The following MAML1 variants were observed in gnomAD, a reference collection of about 807,000 sequenced individuals.
MAML1 encodes the protein mastermind like transcriptional coactivator 1.
A neutral mutation model predicts 77.1 loss-of-function variants in MAML1; 14 were observed. The observed-to-expected ratio is 0.18, with a 90% confidence interval of 0.12 to 0.28. The LOEUF (loss-of-function observed/expected upper bound fraction) is 0.28. Ranked by LOEUF, MAML1 falls within the 10% of genes least tolerant of loss-of-function variation. The probability of loss-of-function intolerance (pLI) is 1.00; values close to 1 mark genes in which losing one functional copy is unlikely to be tolerated. For synonymous variants in MAML1, 516 were observed against 551.9 expected, an observed-to-expected ratio of 0.93 and a Z score of 0.91; for missense variants, 1,217 against 1,327.8, an observed-to-expected ratio of 0.92 and a Z score of 1.30.
At chr5:179,741,683 C>CAAAAAA (rs10617185) in intron 1 of MAML1, among the ~76,000 whole-genome samples, 7 of 89,308 alleles carry the variant, frequency 7.8e-5, no homozygotes, top group African/African-American at 2.1e-4. Context: ...GAGACTGTCT[C>CAAAAAA]AAAAAAAAAA....
Position 179,776,161 on chromosome 5 carries a change from T to C in MAML1, c.*1284T>C. On this transcript the variant is annotated 3_prime_UTR_variant, in exon 5 of 5. Transcript: ENST00000292599. ...CTTCCCCGTAACGAAAGCAAAGTGG[T>C]AAGCACAGGGTGAGACCCTTTTACA... 1.0e-6 allele frequency: 1 copy of C among 985,904 alleles called. No individual in the cohort carries two copies. Among genetic ancestry groups the C allele is most frequent in the Non-Finnish European group, 1.2e-6 (1 of 829,942 alleles). The allele number at this position is 985,904 out of a possible 1,614,324, so 61.1% of individuals were successfully genotyped here. A position where few individuals can be genotyped will look rare whatever the true frequency, so the allele number is the denominator to read the frequency against.
At position 179,766,302 on chromosome 5, in the gene MAML1, A is replaced by T; in HGVS notation, c.1292A>T (p.Gln431Leu). 1 of 1,612,892 alleles carries T rather than the reference A, an allele frequency of 6.2e-7. No homozygotes were observed. The highest frequency in any genetic ancestry group is 8.5e-7 in the Non-Finnish European group (1 of 1,179,356). ...GCCCCGGGCCAGATGTCCACATGGC[A>T]GCAGACGGGGCCCTCCCACAGTTCC... ...APAPGQMSTW[Q>L]QTGPSHSSLD... is the part of the protein sequence containing the mutation. Residue 431 changes from glutamine (Q) to leucine (L), a missense_variant, in exon 2 of 5, where the codon CAG (glutamine) becomes CTG (leucine). Physicochemically the swap from Gln to Leu is moderately radical, Grantham distance 113. This residue lies in a region of MAML1 where 884 missense variants were observed against 949.3 expected (regional missense o/e 0.93). Transcript: ENST00000292599. This position sits in a 1 kb window ranked among gnomAD's most constrained non-coding sequence, Gnocchi z 4.0.
rs370202415 is a variant in MAML1, at chr5:179,774,969, A to G, written c.*92A>G. ...AGCAACTACTTTGGACCAAAAGCCC[A>G]TGGCCTGGGGAGCTGGGCAGGTAGA... On this transcript the variant is annotated 3_prime_UTR_variant, in exon 5 of 5. Coordinates refer to ENST00000292599, the MANE Select transcript of MAML1 (RefSeq NM_014757.5). 2 of 1,505,082 alleles carry G rather than the reference A, an allele frequency of 1.3e-6. No individual in the cohort carries two copies. The highest frequency in any genetic ancestry group is 1.3e-5 in the South Asian group (1 of 74,592). The allele number at this position is 1,505,082 out of a possible 1,614,324, so 93.2% of individuals were successfully genotyped here.
chr5:179,764,831 G>C (rs1779783732), intron 1 of MAML1, among the ~76,000 whole-genome samples: 1 of 152,090 alleles, frequency 6.6e-6, no homozygotes, highest in African/African-American at 2.4e-5. Context: ...AGGCACAGTG[G>C]TGCACATCTG....
chr5:179,761,857 C>T (rs1273188586), intron 1 of MAML1, among the ~76,000 whole-genome samples: 1 of 152,168 alleles, frequency 6.6e-6, no homozygotes, highest in Admixed American at 6.5e-5. Flanking sequence ...TCCTCCCTTC[C>T]TTTTCCCCAC....
At chr5:179,753,966 C>T (rs1433213184) in intron 1 of MAML1, among the ~76,000 whole-genome samples, 1 of 151,904 alleles carries the variant, frequency 6.6e-6, no homozygotes, top group Non-Finnish European at 1.5e-5. Flanking sequence ...GCCACCTTGC[C>T]TGGCCTTGTT....
intron 1 of MAML1, among the ~76,000 whole-genome samples, chr5:179,740,770 C>T (rs1312153391): frequency 6.6e-6 from 1 of 152,126 alleles, no homozygotes; most frequent in African/African-American, 2.4e-5. Flanking sequence ...GACTGGGTTG[C>T]TGGACTAGAT....
At chr5:179,773,031 C>T (rs566337369) in intron 4 of MAML1, among the ~76,000 whole-genome samples, 5 of 152,304 alleles carry the variant, frequency 3.3e-5, no homozygotes, top group South Asian at 2.1e-4. Flanking sequence ...GCTGGGGGCG[C>T]GCGCCGCCAC....
chr5:179,772,447 A>G (rs748104828), intron 4 of MAML1, among the ~76,000 whole-genome samples: 3 of 152,130 alleles, frequency 2.0e-5, no homozygotes, highest in Non-Finnish European at 2.9e-5. Flanking sequence ...GCTAGTAGAG[A>G]GGAAGAAGAA....
chr5:179,765,707 G>C lies in MAML1; in HGVS notation c.697G>C (p.Gly233Arg). ...GCCTTGCATGATCACTGGGACTGTCGGCTCCATATCGCAAAGCAACCTCAT... is the reference window on the plus strand; with the variant it reads ...GCCTTGCATGATCACTGGGACTGTCCGCTCCATATCGCAAAGCAACCTCAT... ...DLPCMITGTV[G>R]SISQSNLMPD... The change falls in exon 2 of 5, where the codon GGC becomes CGC. Residue 233 changes from glycine (G) to arginine (R), a missense_variant. Gly to Arg is a moderately radical substitution (Grantham distance 125). Around this residue, in one of 3 missense-constraint regions of MAML1, gnomAD observed 312 missense variants for 331.4 expected, o/e 0.94. Transcript: ENST00000292599. 3 of 1,613,986 alleles carry C rather than the reference G, an allele frequency of 1.9e-6. No individual in the cohort carries two copies. Among genetic ancestry groups the C allele is most frequent in the Non-Finnish European group, 2.5e-6 (3 of 1,179,912 alleles).
chr5:179,747,482 A>G (rs574622076), intron 1 of MAML1, among the ~76,000 whole-genome samples: 1 of 152,200 alleles, frequency 6.6e-6, no homozygotes, highest in South Asian at 2.1e-4. Context: ...AAAATGTGGC[A>G]TATCCATACA....
At chr5:179,753,101 C>G (rs1268249600) in intron 1 of MAML1, among the ~76,000 whole-genome samples, 2 of 152,168 alleles carry the variant, frequency 1.3e-5, no homozygotes, top group African/African-American at 4.8e-5. Flanking sequence ...CTCACTGTCA[C>G]TTCACAATCA....
chr5:179,748,121 C>T (rs891702064), intron 1 of MAML1, among the ~76,000 whole-genome samples: 40 of 152,072 alleles, frequency 2.6e-4, no homozygotes, highest in Admixed American at 2.6e-3. Flanking sequence ...CTCACTCTGT[C>T]GCCCAGGCTG....
chr5:179,751,984 A>G (rs1054703705), intron 1 of MAML1, among the ~76,000 whole-genome samples: 4 of 150,498 alleles, frequency 2.7e-5, no homozygotes, highest in African/African-American at 9.8e-5. Context: ...ATCGTGGGCA[A>G]TAGAGTGAGA....
At position 179,775,055 on chromosome 5, in the gene MAML1, G is replaced by A; in HGVS notation, c.*178G>A. On this transcript the variant is annotated 3_prime_UTR_variant, in exon 5 of 5. Coordinates refer to ENST00000292599, the MANE Select transcript of MAML1 (RefSeq NM_014757.5). Reference sequence around the variant, plus strand: ...GTCTGTGGCTGCGCCCCTCAGGCCAGCAGTTGAGGTCCATCGGGCTGGCCC... The same window carrying A: ...GTCTGTGGCTGCGCCCCTCAGGCCAACAGTTGAGGTCCATCGGGCTGGCCC... 1 of 1,416,638 alleles carries A rather than the reference G, an allele frequency of 7.1e-7. No individual in the cohort carries two copies. The allele number at this position is 1,416,638 out of a possible 1,614,324, so 87.8% of individuals were successfully genotyped here.
At chr5:179,734,058 C>T (rs1005474160) in intron 1 of MAML1, among the ~76,000 whole-genome samples, 4 of 152,140 alleles carry the variant, frequency 2.6e-5, no homozygotes, top group African/African-American at 4.8e-5. Context: ...TTTATCAGGC[C>T]TGTTTAAAAT....
intron 1 of MAML1, among the ~76,000 whole-genome samples, chr5:179,736,319 C>A (rs1779170600): frequency 6.6e-6 from 1 of 151,678 alleles, no homozygotes. Flanking sequence ...ATGGTGCCAT[C>A]TTGGCTCACT....
At chr5:179,756,766 T>TG (rs2113362705) in intron 1 of MAML1, among the ~76,000 whole-genome samples, 1 of 152,224 alleles carries the variant, frequency 6.6e-6, no homozygotes, top group Non-Finnish European at 1.5e-5. Flanking sequence ...AAAAATGACT[T>TG]GAACTAACAT....
At chr5:179,741,530 A>G (rs556290177) in intron 1 of MAML1, among the ~76,000 whole-genome samples, 1 of 152,136 alleles carries the variant, frequency 6.6e-6, no homozygotes, top group Admixed American at 6.5e-5. Flanking sequence ...GGTAAAAAAT[A>G]CAAAAATTAG....
Sources: allele counts gnomAD v4.1 joint callset (sites outside exome capture counted in the v4.1 genomes callset), GRCh38; gene constraint gnomAD v4.1.1; regional missense constraint gnomAD v4.1.1; non-coding constraint Gnocchi (gnomAD v3.1); transcripts MANE v1.5; gene names NCBI Gene and HGNC (gene_info 2026-07-23, HGNC 2026-07-21).